ADAM12: variants seen among roughly 807,000 people sequenced by gnomAD.
ADAM12 encodes disintegrin and metalloproteinase domain-containing protein 12.
Under a neutral mutation model 106.4 loss-of-function variants are expected in ADAM12, and 70 were observed. That is an observed-to-expected ratio of 0.66 (90% confidence interval 0.54 to 0.80). ADAM12 has a LOEUF of 0.80. ADAM12 is among the 30% of genes least tolerant of loss of function. The pLI is 0.00. For synonymous variants in ADAM12, 420 were observed against 433.5 expected (o/e 0.97, Z 0.39); for missense variants, 1,010 against 1,171.9 (o/e 0.86, Z 2.02).
chr10:126,270,225 T>C (rs537119548), intron 3 of ADAM12, among the ~76,000 whole-genome samples: 1 of 152,306 alleles, frequency 6.6e-6, no homozygotes, highest in South Asian at 2.1e-4. Context: ...AGATGACCCC[T>C]CTGGTAGCAC....
chr10:126,184,774 C>T (rs371302631), intron 3 of ADAM12, among the ~76,000 whole-genome samples: 4 of 152,302 alleles, frequency 2.6e-5, no homozygotes, highest in Admixed American at 2.0e-4. Flanking sequence ...GCAGAACATA[C>T]ACAAGATCCA....
At chr10:126,112,435 C>G (rs1955888148) in intron 6 of ADAM12, among the ~76,000 whole-genome samples, 1 of 151,276 alleles carries the variant, frequency 6.6e-6, no homozygotes, top group African/African-American at 2.4e-5. Context: ...GGGTTATGAA[C>G]AAAAGCCCTT....
At chr10:126,236,621 C>T (rs988337747) in intron 3 of ADAM12, among the ~76,000 whole-genome samples, 1 of 151,674 alleles carries the variant, frequency 6.6e-6, no homozygotes, top group East Asian at 1.9e-4. Context: ...GGAGCACCCA[C>T]AGGAAGGAGC....
intron 6 of ADAM12, among the ~76,000 whole-genome samples, chr10:126,110,888 G>A (rs2133602160): frequency 6.6e-6 from 1 of 152,298 alleles, no homozygotes; most frequent in South Asian, 2.1e-4. Context: ...TTGGTCTTTG[G>A]TCCTGATGAC....
In ADAM12 at chr10:126,106,719, C is replaced by T. The variant is rs574783269; in HGVS notation, c.741+1874G>A. Reference sequence around the variant, plus strand: ...CAGGATGGTCTCGATCTCTTGACCTCGTGATCCGCCCGCCTCGGCCTCCCA... The same window carrying T: ...CAGGATGGTCTCGATCTCTTGACCTTGTGATCCGCCCGCCTCGGCCTCCCA... On this transcript the variant is annotated intron_variant, in intron 8 of 22. Coordinates refer to ENST00000448723, the MANE Select transcript of ADAM12 (RefSeq NM_001288973.2). Among the ~76,000 whole-genome samples, 168 of 152,108 alleles carry T rather than the reference C, an allele frequency of 1.1e-3. 2 individuals are homozygous for T. The South Asian group carries it at 0.034, about 31-fold the overall frequency.
chr10:126,144,102 C>A (rs184181320), intron 4 of ADAM12, among the ~76,000 whole-genome samples: 70 of 152,296 alleles, frequency 4.6e-4, no homozygotes, highest in Middle Eastern at 3.4e-3. Flanking sequence ...CCTCAGGGAC[C>A]ACTGAAATCA....
chr10:126,298,463 T>G (rs2133793899), intron 2 of ADAM12, among the ~76,000 whole-genome samples: 1 of 152,124 alleles, frequency 6.6e-6, no homozygotes, highest in South Asian at 2.1e-4. Context: ...AAAATCGGTC[T>G]GAAGAAAATA....
chr10:126,310,628 G>T (rs1201096092), intron 2 of ADAM12, among the ~76,000 whole-genome samples: 1 of 152,134 alleles, frequency 6.6e-6, no homozygotes, highest in East Asian at 1.9e-4. Context: ...AGGCAGGTGG[G>T]TGCAGAGGTA....
chr10:126,043,517 C>A lies in ADAM12; in HGVS notation c.1996-369G>T, dbSNP rs1954234227. On this transcript the variant is annotated intron_variant, in intron 17 of 22. Transcript: ENST00000448723. The surrounding 1 kb of genome is among the most constrained non-coding windows in gnomAD (Gnocchi z 4.1). ...CCCTCAGCAGTGAGGAGGGACCGTG[C>A]TTTGGGGCTACAGACCCAGAGCCCT... Among the ~76,000 whole-genome samples the A allele has an allele frequency of 6.6e-6, 1 of 152,154 alleles. No individual in the cohort carries two copies. Among genetic ancestry groups the A allele is most frequent in the Admixed American group, 6.5e-5 (1 of 15,276 alleles).
At chr10:126,289,330 C>T (rs764362395) in intron 2 of ADAM12, among the ~76,000 whole-genome samples, 1 of 152,344 alleles carries the variant, frequency 6.6e-6, no homozygotes, top group East Asian at 1.9e-4. Flanking sequence ...GATGCCAAGG[C>T]GGGGAGGCAG....
chr10:126,226,782 A>T (rs1958205429), intron 3 of ADAM12, among the ~76,000 whole-genome samples: 1 of 152,154 alleles, frequency 6.6e-6, no homozygotes, highest in Non-Finnish European at 1.5e-5. Context: ...TGTGCCAGGC[A>T]CTTTACCGGG....
At chr10:126,147,165 GCTCT>G (rs1956643641) in intron 4 of ADAM12, among the ~76,000 whole-genome samples, 1 of 152,204 alleles carries the variant, frequency 6.6e-6, no homozygotes, top group South Asian at 2.1e-4. Flanking sequence ...CAAAGCAAAT[GCTCT>G]CTATTTTTTC....
intron 4 of ADAM12, among the ~76,000 whole-genome samples, chr10:126,138,996 G>A (rs764734006): frequency 3.3e-5 from 5 of 151,914 alleles, no homozygotes; most frequent in Non-Finnish European, 5.9e-5. Flanking sequence ...GAATTGTCTT[G>A]GTGACTTTCT....
chr10:126,032,312 GAATT>G (rs1953985334), intron 21 of ADAM12, among the ~76,000 whole-genome samples: 1 of 152,170 alleles, frequency 6.6e-6, no homozygotes, highest in Non-Finnish European at 1.5e-5. Flanking sequence ...CACCTGCATG[GAATT>G]AATTTCCGTT....
chr10:126,252,054 TGAGA>T (rs1958789130), intron 3 of ADAM12, among the ~76,000 whole-genome samples: 1 of 132,918 alleles, frequency 7.5e-6, no homozygotes, highest in Admixed American at 7.9e-5. Flanking sequence ...GATGGATGGA[TGAGA>T]TGGATGATGG....
intron 17 of ADAM12, among the ~76,000 whole-genome samples, chr10:126,045,156 C>T (rs1954281991): frequency 6.6e-6 from 1 of 151,990 alleles, no homozygotes; most frequent in Non-Finnish European, 1.5e-5. Context: ...ACACCATCCC[C>T]ACAGCTCAGG....
intron 5 of ADAM12, among the ~76,000 whole-genome samples, chr10:126,129,890 C>T (rs372422434): frequency 2.0e-5 from 3 of 152,154 alleles, no homozygotes; most frequent in Non-Finnish European, 4.4e-5. Context: ...GTGTGCTTTC[C>T]GCTTCAAGCT....
chr10:126,155,789 G>A (rs781019802), intron 3 of ADAM12, among the ~76,000 whole-genome samples: 12 of 152,182 alleles, frequency 7.9e-5, no homozygotes, highest in Non-Finnish European at 1.6e-4. Context: ...TCCCCCGCAG[G>A]TGAGAGAACC....
chr10:126,264,720 G>GT (rs1959064760), intron 3 of ADAM12, among the ~76,000 whole-genome samples: 2 of 152,002 alleles, frequency 1.3e-5, no homozygotes, highest in South Asian at 2.1e-4. Flanking sequence ...ATGAAACGTT[G>GT]TTTTTTTGTT....
Sources: allele counts gnomAD v4.1 joint callset (sites outside exome capture counted in the v4.1 genomes callset), GRCh38; gene constraint gnomAD v4.1.1; non-coding constraint Gnocchi (gnomAD v3.1); transcripts MANE v1.5; gene names NCBI Gene and HGNC (gene_info 2026-07-23, HGNC 2026-07-21).